The following SOX6 variants were observed in gnomAD, a reference collection of about 807,000 sequenced individuals.
SOX6 encodes the protein SRY-box transcription factor 6.
Under a neutral mutation model 97.8 loss-of-function variants are expected in SOX6, and 11 were observed. The ratio of observed to expected loss-of-function variants is 0.11; its 90% CI spans 0.07 to 0.19. The LOEUF (loss-of-function observed/expected upper bound fraction) is 0.19, where lower values mean the gene tolerates loss of function less well. Ranked by LOEUF, SOX6 falls within the 10% of genes least tolerant of loss-of-function variation. The pLI is 1.00. For synonymous variants in SOX6, 360 were observed against 371.4 expected (o/e 0.97, Z 0.35); for missense variants, 810 against 1,039.5 (o/e 0.78, Z 3.04).
intron 11 of SOX6, among the ~76,000 whole-genome samples, chr11:16,047,579 C>A (rs759564764): frequency 3.9e-5 from 6 of 151,900 alleles, no homozygotes; most frequent in Non-Finnish European, 7.4e-5. Flanking sequence ...AAAATGAATA[C>A]TTTGAATAAG....
Position 16,692,801 on chromosome 11 carries a change from A to G in SOX6, n.429+22029T>C, listed in dbSNP as rs75762241. Among the ~76,000 whole-genome samples, 472 of 152,306 alleles carry G rather than the reference A, an allele frequency of 3.1e-3. 4 individuals carry two copies. The highest frequency in any genetic ancestry group is 0.011 in the African/African-American group (445 of 41,572). On this transcript the variant is annotated intron_variant and non_coding_transcript_variant, in intron 3 of 5. Coordinates refer to the SOX6 transcript ENST00000524520. ...TTATAAAGTTTTGTATCCTACTTTC[A>G]TAGAATATAGTGAGCATTTTTCATT...
intron 1 of SOX6, among the ~76,000 whole-genome samples, chr11:16,371,282 T>TG (rs1173430722): frequency 3.3e-5 from 5 of 152,078 alleles, no homozygotes; most frequent in Non-Finnish European, 7.4e-5. Flanking sequence ...GATATCTGCA[T>TG]GGTTCCCTTT....
At chr11:16,244,577 G>T (rs1412761920) in intron 3 of SOX6, among the ~76,000 whole-genome samples, 1 of 151,452 alleles carries the variant, frequency 6.6e-6, no homozygotes, top group East Asian at 1.9e-4. Context: ...TTATATTTAG[G>T]TCTATGATCA....
chr11:16,730,360 A>C (rs1314269776), intron 2 of SOX6, among the ~76,000 whole-genome samples: 1 of 152,170 alleles, frequency 6.6e-6, no homozygotes, highest in Non-Finnish European at 1.5e-5. Context: ...AACACTCCTC[A>C]GCAAAAGCAA....
At chr11:16,427,151 G>A (rs1354563294) in intron 1 of SOX6, among the ~76,000 whole-genome samples, 2 of 151,902 alleles carry the variant, frequency 1.3e-5, no homozygotes, top group East Asian at 3.9e-4. Flanking sequence ...AAAAGCTTCT[G>A]CACAGTAAAA....
At chr11:16,076,216 C>T (rs1253263868) in intron 9 of SOX6, among the ~76,000 whole-genome samples, 2 of 151,848 alleles carry the variant, frequency 1.3e-5, no homozygotes, top group East Asian at 3.9e-4. Context: ...GATTTAATGA[C>T]GAAGATACCA....
intron 4 of SOX6, among the ~76,000 whole-genome samples, chr11:16,571,636 G>GTTT: frequency 6.6e-6 from 1 of 151,694 alleles, no homozygotes; most frequent in South Asian, 2.1e-4. Context: ...TTGTTTGTTT[G>GTTT]GGGGGTTTTG....
intron 3 of SOX6, chr11:16,312,685 CTT>C (rs1249102077): frequency 1.3e-5 from 2 of 152,140 alleles, no homozygotes; most frequent in Non-Finnish European, 2.9e-5. Flanking sequence ...CATTAGACAA[CTT>C]ATTTTCAGAA....
chr11:16,139,072 C>T lies in SOX6; in HGVS notation c.778-27149G>A, dbSNP rs576992918. Among the ~76,000 whole-genome samples, 20 of 152,276 alleles carry T rather than the reference C, an allele frequency of 1.3e-4. 1 individual carries two copies. In the East Asian group the frequency reaches 3.9e-3, roughly 29 times the overall value. ...GGTAATACATTTTTGTCAGACATAT[C>T]ACCAGAAGCGATGCTGTGCTCTTCT... On this transcript the variant is annotated intron_variant, in intron 6 of 15. Transcript: ENST00000683767.
chr11:16,464,816 A>G (rs1289196557), intron 1 of SOX6, among the ~76,000 whole-genome samples: 1 of 152,160 alleles, frequency 6.6e-6, no homozygotes, highest in African/African-American at 2.4e-5. Flanking sequence ...GTAGGCACAC[A>G]TTTCCTAAAA....
rs142553542 is a variant in SOX6 at position 16,624,184 on chromosome 11, T to TTTTATTTA, written n.430-11932_430-11925dup. The stretch of plus-strand genomic sequence containing the variant: ...TCAGTGAAAGATTTTTATTTTTTTA[T>TTTTATTTA]TTTATTTATTTATTTATTTATTGAG... On this transcript the variant is annotated intron_variant and non_coding_transcript_variant, in intron 3 of 5. Transcript: ENST00000524520. 9.4e-4 allele frequency among the ~76,000 whole-genome samples: 139 copies of TTTTATTTA among 147,316 alleles called. 1 individual carries two copies. The highest frequency in any genetic ancestry group is 2.6e-3 in the South Asian group (12 of 4,662).
chr11:16,124,116 T>G (rs1391231460), intron 6 of SOX6, among the ~76,000 whole-genome samples: 1 of 152,102 alleles, frequency 6.6e-6, no homozygotes, highest in African/African-American at 2.4e-5. Context: ...AACATAAATT[T>G]CCCTCTGTCA....
chr11:16,373,015 T>C (rs1857532751), intron 1 of SOX6, among the ~76,000 whole-genome samples: 1 of 152,064 alleles, frequency 6.6e-6, no homozygotes, highest in Non-Finnish European at 1.5e-5. Flanking sequence ...GCAAAGGTAA[T>C]TTCATGGTAT....
At chr11:16,312,227 T>C (rs1273020441) in intron 3 of SOX6, 1 of 152,230 alleles carries the variant, frequency 6.6e-6, no homozygotes, top group Non-Finnish European at 1.5e-5. Flanking sequence ...TTTATTCTAA[T>C]ATTTCTACCT....
chr11:16,244,171 A>T (rs1001619551), intron 3 of SOX6, among the ~76,000 whole-genome samples: 2 of 151,838 alleles, frequency 1.3e-5, no homozygotes, highest in African/African-American at 4.8e-5. Context: ...CATATCCTCA[A>T]CAATATGTCT....
At chr11:16,626,958 AC>A (rs1419043236) in intron 3 of SOX6, among the ~76,000 whole-genome samples, 1 of 152,122 alleles carries the variant, frequency 6.6e-6, no homozygotes, top group Non-Finnish European at 1.5e-5. Context: ...TAGTTTTTCA[AC>A]CCATTCCCAC....
At chr11:16,005,753 A>C (rs1854533467) in intron 13 of SOX6, among the ~76,000 whole-genome samples, 1 of 152,044 alleles carries the variant, frequency 6.6e-6, no homozygotes, top group African/African-American at 2.4e-5. Flanking sequence ...AAATGATTGA[A>C]CATATTTCTT....
chr11:15,999,202 C>T (rs1854325720), intron 13 of SOX6, among the ~76,000 whole-genome samples: 1 of 152,094 alleles, frequency 6.6e-6, no homozygotes, highest in Admixed American at 6.5e-5. Context: ...CAATGAGATG[C>T]ATTTCACTGG....
chr11:16,508,666 C>T (rs1369375031), intron 4 of SOX6, among the ~76,000 whole-genome samples: 4 of 151,632 alleles, frequency 2.6e-5, no homozygotes, highest in African/African-American at 7.3e-5. Context: ...AGTATAGACC[C>T]GAGGTTAGGA....
Sources: allele counts gnomAD v4.1 joint callset (sites outside exome capture counted in the v4.1 genomes callset), GRCh38; gene constraint gnomAD v4.1.1; transcripts MANE v1.5; gene names NCBI Gene and HGNC (gene_info 2026-07-23, HGNC 2026-07-21).